The following ATP6V1B1 variants were observed in gnomAD, a reference collection of about 807,000 sequenced individuals.
ATP6V1B1 encodes the protein ATPase H+ transporting V1 subunit B1.
ATP6V1B1 carries 41 observed loss-of-function variants against 62.1 expected under a neutral mutation model. The observed-to-expected ratio is 0.66, with a 90% CI of 0.51 to 0.86. ATP6V1B1 has a LOEUF of 0.86. Among genes scored for constraint, ATP6V1B1 ranks in the 40% least tolerant of loss-of-function variants. The pLI is 0.00. For synonymous variants in ATP6V1B1, 253 were observed against 273.4 expected, an observed-to-expected ratio of 0.93 and a Z score of 0.74; for missense variants, 651 against 697.5, an observed-to-expected ratio of 0.93 and a Z score of 0.75.
At chr2:70,957,744 C>T (rs1680475206) in intron 2 of ATP6V1B1, 1 of 415,394 alleles carries the variant, frequency 2.4e-6, no homozygotes, top group African/African-American at 2.0e-5. Flanking sequence ...AACTAAACCT[C>T]ATTACTTATG....
At chr2:70,958,293 G>A (rs782054296) in intron 3 of ATP6V1B1, 40 bp from the exon 4 acceptor site, 10 of 1,609,002 alleles carry the variant, frequency 6.2e-6, no homozygotes, top group Middle Eastern at 3.3e-4. Flanking sequence ...ATTCCCTCCA[G>A]CAGGCCCCTT....
chr2:70,959,832 C>CA lies in ATP6V1B1; in HGVS notation c.446-106dup. Reference sequence around the variant, plus strand: ...CGGCCAGAGCACGTTTCTATCATCACAGAAAGTTCCGTCAAACAGGGCGGC... The same window carrying CA: ...CGGCCAGAGCACGTTTCTATCATCACAAGAAAGTTCCGTCAAACAGGGCGGC... On this transcript the variant is annotated intron_variant, in intron 5 of 13. Transcript: ENST00000234396. The surrounding 1 kb of genome is among the most constrained non-coding windows in gnomAD (Gnocchi z 4.2). 1 of 1,569,324 alleles carries CA rather than the reference C, an allele frequency of 6.4e-7. No individual in the cohort carries two copies. Among genetic ancestry groups the CA allele is most frequent in the South Asian group, 1.1e-5 (1 of 88,698 alleles).
At chr2:70,949,177 T>C (rs2104814462) in intron 2 of ATP6V1B1, among the ~76,000 whole-genome samples, 1 of 152,142 alleles carries the variant, frequency 6.6e-6, no homozygotes, top group Non-Finnish European at 1.5e-5. Flanking sequence ...CAGGCAAATA[T>C]GTTAGAGGTT....
chr2:70,941,720 G>C, intron 1 of ATP6V1B1: 3 of 984,726 alleles, frequency 3.0e-6, no homozygotes, highest in Non-Finnish European at 3.6e-6. Context: ...GAAGCAGGGA[G>C]GGAAGGAAGA....
chr2:70,958,437 G>A lies in ATP6V1B1; in HGVS notation c.367+11G>A. 6.2e-7 allele frequency: 1 copy of A among 1,606,340 alleles called. No homozygotes were observed. On this transcript the variant is annotated intron_variant, in intron 4 of 13. Coordinates refer to ENST00000234396, the MANE Select transcript of ATP6V1B1 (RefSeq NM_001692.4). ...CAGAGGACATGCTGGGTGAGGGACA[G>A]GGAGGGGCAGGGGTGGGGGTGCTCC...
chr2:70,957,592 GCCCAGT>G (rs150528801), intron 2 of ATP6V1B1, among the ~76,000 whole-genome samples: 2,285 of 152,206 alleles, frequency 0.015, 59 homozygotes, highest in African/African-American at 0.051. Context: ...TCCCGAGGCA[GCCCAGT>G]CATTATTACA....
Position 70,935,995 on chromosome 2 carries a change from G to C in ATP6V1B1, c.41G>C (p.Gly14Ala), listed in dbSNP as rs782513986. The change falls in exon 1 of 14, where the codon GGC becomes GCC. Residue 14 changes from glycine to alanine, a missense_variant. Gly to Ala is a moderately conservative substitution (Grantham distance 60, BLOSUM62 0). Coordinates refer to ENST00000234396, the MANE Select transcript of ATP6V1B1 (RefSeq NM_001692.4). ...EIDSRPGGLPGSSCNLGAARE... is the reference protein window; with the variant it reads ...EIDSRPGGLPASSCNLGAARE... ...GACAGCAGGCCTGGGGGGCTCCCCG[G>C]CAGTAGCTGCAACCTAGGTGCAGCC... 1.1e-5 allele frequency: 18 copies of C among 1,613,906 alleles called. No individual in the cohort carries two copies. Among genetic ancestry groups the C allele is most frequent in the Non-Finnish European group, 1.5e-5 (18 of 1,179,940 alleles).
At chr2:70,946,126 C>T (rs1680167746) in intron 2 of ATP6V1B1, among the ~76,000 whole-genome samples, 1 of 151,966 alleles carries the variant, frequency 6.6e-6, no homozygotes, top group Non-Finnish European at 1.5e-5. Flanking sequence ...CATGTTTGCT[C>T]AAAGGAAAGG....
At chr2:70,961,725 A>G (rs1240413103) in intron 8 of ATP6V1B1, 32 bp downstream of exon 8, 1 of 1,598,150 alleles carries the variant, frequency 6.3e-7, no homozygotes, top group African/African-American at 1.3e-5. Flanking sequence ...AACTGCCCTC[A>G]GGTGGGCAGA....
chr2:70,937,659 T>C (rs1389297162), intron 1 of ATP6V1B1, among the ~76,000 whole-genome samples: 1 of 151,654 alleles, frequency 6.6e-6, no homozygotes, highest in African/African-American at 2.4e-5. Context: ...AGGCCGTCCC[T>C]CCTCCCTGCA....
chr2:70,949,017 A>G (rs1553417879), intron 2 of ATP6V1B1, among the ~76,000 whole-genome samples: 1 of 152,094 alleles, frequency 6.6e-6, no homozygotes, highest in African/African-American at 2.4e-5. Flanking sequence ...GTGCTGTAAC[A>G]TGTCCTAAAA....
intron 1 of ATP6V1B1, chr2:70,940,464 AG>A: frequency 2.0e-6 from 2 of 985,194 alleles, no homozygotes; most frequent in Non-Finnish European, 2.4e-6. Flanking sequence ...TATAAAAATG[AG>A]GGTCTCTCCT....
intron 1 of ATP6V1B1, chr2:70,938,599 T>C (rs1309431369): frequency 2.0e-5 from 20 of 985,168 alleles, no homozygotes; most frequent in African/African-American, 7.0e-5. Context: ...TGAGAGAGGA[T>C]TGGCTAGAAA....
At chr2:70,964,267 G>A (rs1449758483) in intron 11 of ATP6V1B1, among the ~76,000 whole-genome samples, 171 bp from the exon 12 acceptor site, 1 of 151,908 alleles carries the variant, frequency 6.6e-6, no homozygotes, top group African/African-American at 2.4e-5. Flanking sequence ...CCACATATAA[G>A]ACAGCTGATG....
intron 1 of ATP6V1B1, chr2:70,942,480 A>C: frequency 5.0e-6 from 2 of 398,560 alleles, no homozygotes; most frequent in East Asian, 7.1e-5. Context: ...GCTTGACCAC[A>C]CATATCCAGA....
rs539831103 is a variant in ATP6V1B1, at chr2:70,956,149, C to T, written c.175-1897C>T. Reference sequence around the variant, plus strand: ...TGATGCCTGTTCTCTTTTTACAATACATTCATGACCATTGGATGATATCAA... The same window carrying T: ...TGATGCCTGTTCTCTTTTTACAATATATTCATGACCATTGGATGATATCAA... On this transcript the variant is annotated intron_variant, in intron 2 of 13. Transcript: ENST00000234396. 7 of 225,728 alleles carry T rather than the reference C, an allele frequency of 3.1e-5. No individual in the cohort carries two copies. In the South Asian group the frequency reaches 5.0e-4, roughly 16 times the overall value. The allele number at this position is 225,728 out of a possible 1,614,324, so 14.0% of individuals were successfully genotyped here.
chr2:70,948,010 A>G (rs1553417668), intron 2 of ATP6V1B1, among the ~76,000 whole-genome samples: 1 of 152,174 alleles, frequency 6.6e-6, no homozygotes, highest in Non-Finnish European at 1.5e-5. Flanking sequence ...AACATCCAGC[A>G]CACACTTAGA....
intron 2 of ATP6V1B1, among the ~76,000 whole-genome samples, chr2:70,949,213 C>T (rs1237641252): frequency 3.9e-5 from 6 of 152,028 alleles, no homozygotes; most frequent in African/African-American, 1.4e-4. Context: ...CCCTTGAGAG[C>T]CAAGGGACTG....
intron 2 of ATP6V1B1, among the ~76,000 whole-genome samples, chr2:70,947,202 A>G (rs1486780604): frequency 6.6e-6 from 1 of 151,986 alleles, no homozygotes; most frequent in Non-Finnish European, 1.5e-5. Context: ...GTGCCTGTGC[A>G]TTTTTCTGGT....
Sources: allele counts gnomAD v4.1 joint callset (sites outside exome capture counted in the v4.1 genomes callset), GRCh38; gene constraint gnomAD v4.1.1; non-coding constraint Gnocchi (gnomAD v3.1); transcripts MANE v1.5; gene names NCBI Gene and HGNC (gene_info 2026-07-23, HGNC 2026-07-21).